Variants in CORO2B observed in about 807,000 individuals in gnomAD.
CORO2B encodes the protein coronin 2B, also known as coronin-2B.
CORO2B carries 26 observed loss-of-function variants against 58.8 expected under a neutral mutation model. The ratio of observed to expected loss-of-function variants is 0.44; its 90% CI spans 0.32 to 0.61. The LOEUF (loss-of-function observed/expected upper bound fraction) is 0.61. Ranked by LOEUF, CORO2B falls within the 20% of genes least tolerant of loss-of-function variation. The probability of loss-of-function intolerance (pLI) is 0.04; values close to 1 mark genes in which losing one functional copy is unlikely to be tolerated. For missense variants in CORO2B, 460 were observed against 645.1 expected, an observed-to-expected ratio of 0.71 and a Z score of 3.11; for synonymous variants, 242 against 253.8, an observed-to-expected ratio of 0.95 and a Z score of 0.44.
At chr15:68,555,057 C>T in the CORO2B span, among the ~76,000 whole-genome samples, 2 of 152,146 alleles carry the variant, frequency 1.3e-5, no homozygotes, top group African/African-American at 4.8e-5. Flanking sequence ...CCACACTGCC[C>T]AGCATCAAGG....
At chr15:68,548,174 A>ATATAT in the CORO2B span, among the ~76,000 whole-genome samples, 1 of 146,290 alleles carries the variant, frequency 6.8e-6, no homozygotes, top group Non-Finnish European at 1.5e-5. Flanking sequence ...CCATCTTAAA[A>ATATAT]ATATATATAT....
chr15:68,715,847 C>G (rs141766536), intron 8 of CORO2B, among the ~76,000 whole-genome samples: 2 of 152,322 alleles, frequency 1.3e-5, no homozygotes, highest in East Asian at 3.9e-4. Context: ...ATTCTCCCAC[C>G]ACTAAAAGTC....
At chr15:68,704,688 C>T (rs8026209) in intron 3 of CORO2B, among the ~76,000 whole-genome samples, 1 of 152,144 alleles carries the variant, frequency 6.6e-6, no homozygotes, top group Admixed American at 6.5e-5. Context: ...GACTAAGAGC[C>T]GTTCCCCCGT....
At chr15:68,627,606 A>G (rs1595976634) in intron 1 of CORO2B, among the ~76,000 whole-genome samples, 1 of 152,180 alleles carries the variant, frequency 6.6e-6, no homozygotes, top group Non-Finnish European at 1.5e-5. Flanking sequence ...GAGACTCTGC[A>G]TCATGGTTGG....
chr15:68,689,988 A>C (rs566939005), intron 2 of CORO2B, among the ~76,000 whole-genome samples: 1 of 152,236 alleles, frequency 6.6e-6, no homozygotes, highest in Non-Finnish European at 1.5e-5. Flanking sequence ...TATAAATTAC[A>C]TTGAGTAAAC....
intron 1 of CORO2B, among the ~76,000 whole-genome samples, chr15:68,602,407 T>TCACACA (rs370587519): frequency 0.065 from 9,001 of 138,936 alleles, 314 homozygotes; most frequent in Non-Finnish European, 0.073. Flanking sequence ...TAGGGGCTGA[T>TCACACA]CACACACACA....
At chr15:68,586,123 C>A (rs1422739049) in intron 1 of CORO2B, among the ~76,000 whole-genome samples, 2 of 152,178 alleles carry the variant, frequency 1.3e-5, no homozygotes, top group East Asian at 1.9e-4. Context: ...AGTTGCCTCA[C>A]CTCTCTGAAC....
chr15:68,685,000 G>A (rs1273876154), intron 2 of CORO2B, among the ~76,000 whole-genome samples: 1 of 152,210 alleles, frequency 6.6e-6, no homozygotes, highest in Non-Finnish European at 1.5e-5. Context: ...AGCACACAGT[G>A]AGGGAAAGTG....
intron 1 of CORO2B, among the ~76,000 whole-genome samples, chr15:68,618,092 G>C (rs530647208): frequency 6.6e-6 from 1 of 152,182 alleles, no homozygotes; most frequent in East Asian, 1.9e-4. Context: ...AGTTGCTAGT[G>C]AGAAAAATCA....
chr15:68,663,815 A>C (rs1238686144), intron 2 of CORO2B, among the ~76,000 whole-genome samples: 2 of 152,252 alleles, frequency 1.3e-5, no homozygotes, highest in Non-Finnish European at 2.9e-5. Flanking sequence ...CTACTTTCCC[A>C]GAGTAGTTTC....
At chr15:68,722,926 G>A (rs1233770428) in intron 11 of CORO2B, among the ~76,000 whole-genome samples, 1 of 151,836 alleles carries the variant, frequency 6.6e-6, no homozygotes, top group African/African-American at 2.4e-5. Flanking sequence ...AATTAGCCAG[G>A]TGTGGTGGCG....
chr15:68,648,645 G>A (rs138917422), intron 2 of CORO2B, among the ~76,000 whole-genome samples: 4,578 of 151,990 alleles, frequency 0.03, 106 homozygotes, highest in Non-Finnish European at 0.046. Context: ...GCGAGACTCC[G>A]TCTCAAAAAA....
At chr15:68,689,714 G>C (rs540855939) in intron 2 of CORO2B, among the ~76,000 whole-genome samples, 25 of 152,298 alleles carry the variant, frequency 1.6e-4, no homozygotes, top group African/African-American at 5.5e-4. Context: ...TGTGGGACTT[G>C]GGGAGAAGAT....
chr15:68,696,478 G>A (rs1237106428), intron 3 of CORO2B, among the ~76,000 whole-genome samples: 1 of 150,116 alleles, frequency 6.7e-6, no homozygotes, highest in Non-Finnish European at 1.5e-5. Context: ...GAACCTGGAA[G>A]GCGGAGGTTG....
chr15:68,521,852 T>C, the CORO2B span, among the ~76,000 whole-genome samples: 1 of 151,768 alleles, frequency 6.6e-6, no homozygotes, highest in Non-Finnish European at 1.5e-5. Flanking sequence ...AGCAAGTAGA[T>C]GGGTTAGGAA....
chr15:68,659,856 C>T (rs901805577), intron 2 of CORO2B, among the ~76,000 whole-genome samples: 1 of 152,252 alleles, frequency 6.6e-6, no homozygotes. Context: ...ATCACTCGAA[C>T]CCGGGAGGTG....
chr15:68,576,151 GC>G (rs1397583572), upstream of CORO2B, among the ~76,000 whole-genome samples: 1 of 2,946 alleles, frequency 3.4e-4, no homozygotes, highest in African/African-American at 7.7e-4. Context: ...AGACTACGTC[GC>G]AAAAAAAAAA....
At chr15:68,681,167 C>T (rs1345391727) in intron 2 of CORO2B, among the ~76,000 whole-genome samples, 1 of 152,078 alleles carries the variant, frequency 6.6e-6, no homozygotes, top group Admixed American at 6.5e-5. Flanking sequence ...GAGCTGAGAT[C>T]GTGCCATTGC....
chr15:68,721,133 C>T (rs939220748), intron 11 of CORO2B, among the ~76,000 whole-genome samples: 1 of 151,902 alleles, frequency 6.6e-6, no homozygotes, highest in Non-Finnish European at 1.5e-5. Flanking sequence ...CCACCTGCCT[C>T]GGCCTCCCAA....
Sources: gnomAD v4.1 joint callset for allele counts (sites outside exome capture counted in the v4.1 genomes callset) on GRCh38, gnomAD v4.1.1 for gene constraint, MANE v1.5 for transcripts, NCBI Gene and HGNC (gene_info 2026-07-23, HGNC 2026-07-21) for gene names.